The following MRPL2 variants were observed in gnomAD, a reference collection of about 807,000 sequenced individuals.
The protein encoded by MRPL2 is mitochondrial ribosomal protein L2.
In MRPL2, 27 loss-of-function variants were observed where a neutral mutation model predicts 34.6. The ratio of observed to expected loss-of-function variants is 0.78; its 90% CI spans 0.58 to 1.08. The LOEUF is 1.08. Ranked by LOEUF, MRPL2 falls within the 50% of genes least tolerant of loss-of-function variation. MRPL2 has a pLI of 0.00. For synonymous variants in MRPL2, 155 were observed against 158.0 expected (o/e 0.98, Z 0.14); for missense variants, 414 against 419.3 (o/e 0.99, Z 0.11).
chr6:43,054,270 G>T lies in MRPL2; in HGVS notation c.*4C>A. On this transcript the variant is annotated 3_prime_UTR_variant, in exon 7 of 7. Transcript: ENST00000388752. ...GGGGGGCATTTTATTAGAGTACAGG[G>T]ATATCAGCTTTGGGCAGAAGCAGAA... 2 of 1,584,408 alleles carry T rather than the reference G, an allele frequency of 1.3e-6. No homozygotes were observed. Among genetic ancestry groups the T allele is most frequent in the Non-Finnish European group, 1.7e-6 (2 of 1,161,954 alleles).
intron 2 of MRPL2, among the ~76,000 whole-genome samples, chr6:43,057,176 C>T (rs1313219642): frequency 2.6e-5 from 4 of 151,944 alleles, no homozygotes; most frequent in Admixed American, 6.6e-5. Flanking sequence ...CACACCCGGC[C>T]GGTTATAAAT....
chr6:43,056,150 T>C lies in MRPL2; in HGVS notation c.451A>G (p.Ile151Val), dbSNP rs752705913. The change falls in exon 4 of 7, where the codon ATC (isoleucine) becomes GTC (valine). Residue 151 changes from isoleucine to valine, a missense_variant. Coordinates refer to ENST00000388752, the MANE Select transcript of MRPL2 (RefSeq NM_015950.5). ...GCCTGCATGTTTTCTGTGGCGATGATCCAGCGTTTCCGGCTGCCCCCAGCA... is the reference window on the plus strand; with the variant it reads ...GCCTGCATGTTTTCTGTGGCGATGACCCAGCGTTTCCGGCTGCCCCCAGCA... ...LVAGGSRKRWIIATENMQAGD... is the reference protein window; with the variant it reads ...LVAGGSRKRWVIATENMQAGD... 2.0e-5 allele frequency: 32 copies of C among 1,614,112 alleles called. No individual in the cohort carries two copies. The South Asian group carries it at 3.2e-4, about 16-fold the overall frequency.
Position 43,056,439 on chromosome 6 carries a change from A to G in MRPL2, c.272T>C (p.Ile91Thr), listed in dbSNP as rs764512127. 19 of 1,614,186 alleles carry G rather than the reference A, an allele frequency of 1.2e-5. No homozygotes were observed. The highest frequency in any genetic ancestry group is 1.6e-5 in the Non-Finnish European group (19 of 1,180,028). Residue 91 changes from isoleucine to threonine, a missense_variant, in exon 3 of 7, where the codon ATC (isoleucine) becomes ACC (threonine). By Grantham distance (89) the Ile-to-Thr change is moderately conservative. Transcript: ENST00000388752. ...GCCCCCGCCAATACCATGCACCCGG[A>G]TTCGGCCTGTGGTTTAGGACAGTTG... ...KSGGRDHTGR[I>T]RVHGIGGGHK...
rs757001725 is a variant in MRPL2 at position 43,055,620 on chromosome 6, T to TG, written c.632-3dup. ...TCCGCAGTAGCACACCACACGTCCC[T>TG]GGGGAAAGAAGCTGATTTGCCACCC... On this transcript the variant is annotated splice_region_variant and splice_polypyrimidine_tract_variant and intron_variant, in intron 5 of 6. Coordinates refer to ENST00000388752, the MANE Select transcript of MRPL2 (RefSeq NM_015950.5). 4.3e-6 allele frequency: 7 copies of TG among 1,613,996 alleles called. No individual in the cohort carries two copies. The highest frequency in any genetic ancestry group is 3.3e-5 in the South Asian group (3 of 91,072).
At chr6:43,056,218 T>G in intron 3 of MRPL2, 22 bp from the exon 4 acceptor site, 1 of 1,612,644 alleles carries the variant, frequency 6.2e-7, no homozygotes, top group Non-Finnish European at 8.5e-7. Flanking sequence ...GAGGGACAGG[T>G]AAGCAGACCG....
Position 43,054,076 on chromosome 6 carries a change from G to A in MRPL2, c.*198C>T. 3.2e-6 allele frequency: 2 copies of A among 634,460 alleles called. No individual in the cohort carries two copies. Among genetic ancestry groups the A allele is most frequent in the Non-Finnish European group, 5.4e-6 (2 of 370,144 alleles). The allele number at this position is 634,460 out of a possible 1,614,324, so 39.3% of individuals were successfully genotyped here. On this transcript the variant is annotated 3_prime_UTR_variant, in exon 7 of 7. Coordinates refer to ENST00000388752, the MANE Select transcript of MRPL2 (RefSeq NM_015950.5). Reference sequence around the variant, plus strand: ...CATCCCCGGCTCCATTACTTGTAAGGGAATTGGGGTGGGGACAGACCCAGT... The same window carrying A: ...CATCCCCGGCTCCATTACTTGTAAGAGAATTGGGGTGGGGACAGACCCAGT...
In MRPL2 at chr6:43,054,186, C is replaced by CA. The variant is rs1331147510; in HGVS notation, c.*87dup. 1,160 of 996,896 alleles carry CA rather than the reference C, an allele frequency of 1.2e-3. No homozygotes were observed. Among genetic ancestry groups the CA allele is most frequent in the South Asian group, 1.6e-3 (96 of 61,446 alleles). 61.8% of individuals were successfully genotyped at this position (996,896 alleles called of 1,614,324 possible). On this transcript the variant is annotated 3_prime_UTR_variant, in exon 7 of 7. Transcript: ENST00000388752. ...CCCCTCCCCCGCAAAAAAAAAACAA[C>CA]AACAAAAAAAACAAAAAACACCCAA...
At chr6:43,056,582 C>T in intron 2 of MRPL2, 137 bp from the exon 3 acceptor site, 1 of 953,484 alleles carries the variant, frequency 1.0e-6, no homozygotes, top group Non-Finnish European at 1.6e-6. Context: ...ATTTGCACAG[C>T]ACACTGGAGT....
At position 43,054,278 on chromosome 6, in the gene MRPL2, C is replaced by A; in HGVS notation, c.914G>T (p.Ser305Ile). The part of the protein sequence containing the change: ...YVKLPSASAQ[S>I] ...TTTTATTAGAGTACAGGGATATCAG[C>A]TTTGGGCAGAAGCAGAAGGCAGCTT... Residue 305 changes from serine (S) to isoleucine (I), a missense_variant, in exon 7 of 7, where the codon AGC becomes ATC. Coordinates refer to ENST00000388752, the MANE Select transcript of MRPL2 (RefSeq NM_015950.5). 2 of 1,577,680 alleles carry A rather than the reference C, an allele frequency of 1.3e-6. No homozygotes were observed. The highest frequency in any genetic ancestry group is 2.2e-5 in the South Asian group (2 of 89,172).
chr6:43,056,245 T>A, intron 3 of MRPL2, 49 bp from the exon 4 acceptor site: 2 of 1,612,084 alleles, frequency 1.2e-6, no homozygotes, highest in Non-Finnish European at 1.7e-6. Context: ...CAGCCCCACA[T>A]CTTCTGAGAA....
rs772429694 is a variant in MRPL2 at position 43,055,543 on chromosome 6, A to G, written c.705+2T>C. 2.5e-6 allele frequency: 4 copies of G among 1,613,732 alleles called. No homozygotes were observed. In the Admixed American group the frequency reaches 6.7e-5, roughly 27 times the overall value. Reference sequence around the variant, plus strand: ...ACCCCTCCCATCCATACCCATACACACCTGCATCTGCCTCTTAGAGGGCAG... The same window carrying G: ...ACCCCTCCCATCCATACCCATACACGCCTGCATCTGCCTCTTAGAGGGCAG... On this transcript the variant is annotated splice_donor_variant, in intron 6 of 6. Transcript: ENST00000388752. LOFTEE classifies it high-confidence loss of function.
rs34298469 is a variant in MRPL2 at position 43,054,238 on chromosome 6, C to CGGG, written c.*33_*35dup. The CGGG allele has an allele frequency of 3.5e-4, 345 of 983,450 alleles. 3 individuals carry two copies. Among genetic ancestry groups the CGGG allele is most frequent in the African/African-American group, 1.7e-3 (79 of 46,174 alleles). 60.9% of individuals were successfully genotyped at this position (983,450 alleles called of 1,614,324 possible). A position where few individuals can be genotyped will look rare whatever the true frequency, so the allele number is the denominator to read the frequency against. On this transcript the variant is annotated 3_prime_UTR_variant, in exon 7 of 7. Coordinates refer to ENST00000388752, the MANE Select transcript of MRPL2 (RefSeq NM_015950.5). ...ACAAAACCACAGTAACAGATTAAAA[C>CGGG]GGGGGGGGGGGGCATTTTATTAGAG...
rs1423260332 is a variant in MRPL2, at chr6:43,054,182, AC to A, written c.*91del. 1.3e-4 allele frequency: 132 copies of A among 1,004,164 alleles called. No homozygotes were observed. Among genetic ancestry groups the A allele is most frequent in the Non-Finnish European group, 1.5e-4 (103 of 684,156 alleles). 62.2% of individuals were successfully genotyped at this position (1,004,164 alleles called of 1,614,324 possible). On this transcript the variant is annotated 3_prime_UTR_variant, in exon 7 of 7. Coordinates refer to ENST00000388752, the MANE Select transcript of MRPL2 (RefSeq NM_015950.5). ...CCATCCCCTCCCCCGCAAAAAAAAAACAACAACAAAAAAAACAAAAAACACC... is the reference window on the plus strand; with the variant it reads ...CCATCCCCTCCCCCGCAAAAAAAAAAAACAACAAAAAAAACAAAAAACACC...
intron 3 of MRPL2, 41 bp from the exon 4 acceptor site, chr6:43,056,237 G>A: frequency 6.2e-7 from 1 of 1,612,242 alleles, no homozygotes; most frequent in Non-Finnish European, 8.5e-7. Flanking sequence ...CGTCTAGGCA[G>A]CCCCACATCT....
chr6:43,055,963 C>G lies in MRPL2; in HGVS notation c.565G>C (p.Val189Leu), dbSNP rs747905871. The stretch of plus-strand genomic sequence containing the variant: ...TCCACGTTGTTGATGAGGGTCCCCA[C>G]AGGCAGAGCCCCAAGAGGATGCGCA... ...GDAHPLGALP[V>L]GTLINNVESE... Residue 189 changes from valine (V) to leucine (L), a missense_variant, in exon 5 of 7, where the codon GTG (valine) becomes CTG (leucine). Coordinates refer to ENST00000388752, the MANE Select transcript of MRPL2 (RefSeq NM_015950.5). The G allele has an allele frequency of 3.7e-6, 6 of 1,614,174 alleles. No individual in the cohort carries two copies. In the East Asian group the frequency reaches 1.3e-4, roughly 36 times the overall value.
upstream of MRPL2, chr6:43,059,840 C>T (rs1765042941): frequency 1.7e-6 from 2 of 1,169,732 alleles, no homozygotes; most frequent in Non-Finnish European, 2.1e-6. Flanking sequence ...CGCCCCTCGG[C>T]GTCCAGACAG....
upstream of MRPL2, chr6:43,059,470 A>G (rs1339483853): frequency 3.4e-6 from 5 of 1,458,610 alleles, no homozygotes; most frequent in African/African-American, 2.8e-5. Flanking sequence ...ATAACGTAAA[A>G]GGAGGCGGGC....
intron 2 of MRPL2, 175 bp downstream of exon 2, chr6:43,057,890 G>T (rs1011740024): frequency 1.4e-5 from 9 of 638,442 alleles, no homozygotes; most frequent in African/African-American, 1.3e-4. Flanking sequence ...ATTACCTATT[G>T]CTTTGTATTC....
chr6:43,058,337 C>T (rs1421138954), intron 1 of MRPL2, 104 bp from the exon 2 acceptor site: 1 of 1,094,638 alleles, frequency 9.1e-7, no homozygotes. Flanking sequence ...TAGCCCACTT[C>T]CTCCTGGATG....
Sources: allele counts gnomAD v4.1 joint callset (sites outside exome capture counted in the v4.1 genomes callset), GRCh38; gene constraint gnomAD v4.1.1; transcripts MANE v1.5; gene names NCBI Gene and HGNC (gene_info 2026-07-23, HGNC 2026-07-21).